The following MELK variants were observed in gnomAD, a reference collection of about 807,000 sequenced individuals.
MELK encodes maternal embryonic leucine zipper kinase.
MELK carries 81 observed loss-of-function variants against 85.0 expected under a neutral mutation model. That is an observed-to-expected ratio of 0.95 (90% CI 0.80 to 1.15). MELK has a LOEUF of 1.15. Among genes scored for constraint, MELK ranks in the 50% most tolerant of loss-of-function variants. MELK has a pLI of 0.00. For missense variants in MELK, 754 were observed against 777.5 expected (o/e 0.97, Z 0.36); for synonymous variants, 252 against 265.0 (o/e 0.95, Z 0.48).
At chr9:36,623,371 C>T (rs1028545187) in intron 8 of MELK, among the ~76,000 whole-genome samples, 2 of 152,174 alleles carry the variant, frequency 1.3e-5, no homozygotes, top group Admixed American at 6.5e-5. Context: ...TTTTAAAGCA[C>T]GGTGTACAAA....
Position 36,589,558 on chromosome 9 carries a change from C to T in MELK, c.167C>T (p.Thr56Met), listed in dbSNP as rs35233455. 7.6e-4 allele frequency: 1,230 copies of T among 1,613,796 alleles called. 8 individuals are homozygous for T. The African/African-American group carries it at 0.013, about 17-fold the overall frequency. The change falls in exon 4 of 18, where the codon ACG (threonine) becomes ATG (methionine). Residue 56 changes from threonine (T) to methionine (M), a missense_variant. By Grantham distance (81) the Thr-to-Met change is moderately conservative. Coordinates refer to ENST00000298048, the MANE Select transcript of MELK (RefSeq NM_014791.4). ...TLGSDLPRIK[T>M]EIEALKNLRH... The stretch of plus-strand genomic sequence containing the variant: ...CAGAGTGATTTGCCCCGGATCAAAA[C>T]GGAGATTGAGGCCTTGAAGAACCTG...
chr9:36,615,494 ACC>A (rs1267413665), intron 8 of MELK, among the ~76,000 whole-genome samples: 1 of 82,862 alleles, frequency 1.2e-5, no homozygotes, highest in Non-Finnish European at 2.4e-5. Flanking sequence ...GCGGGGGCTG[ACC>A]CCCCCCCACC....
intron 11 of MELK, among the ~76,000 whole-genome samples, chr9:36,651,026 G>A (rs1218550813): frequency 6.6e-6 from 1 of 152,200 alleles, no homozygotes; most frequent in East Asian, 1.9e-4. Context: ...TGGTTTAGCT[G>A]CAGAGCTGAT....
intron 10 of MELK, among the ~76,000 whole-genome samples, chr9:36,633,978 G>A (rs1564188103): frequency 6.6e-6 from 1 of 152,140 alleles, no homozygotes; most frequent in Non-Finnish European, 1.5e-5. Flanking sequence ...AATTGCATGT[G>A]GAATCTGAAG....
chr9:36,659,247 C>G (rs569569733), intron 13 of MELK, among the ~76,000 whole-genome samples: 2 of 151,800 alleles, frequency 1.3e-5, no homozygotes, highest in African/African-American at 4.8e-5. Flanking sequence ...AACTCCTGAC[C>G]TCAGGTGATC....
intron 10 of MELK, among the ~76,000 whole-genome samples, chr9:36,640,429 C>CTTTCT (rs1013128617): frequency 4.6e-5 from 7 of 151,912 alleles, no homozygotes; most frequent in African/African-American, 1.7e-4. Context: ...AGCCTCTTTT[C>CTTTCT]TTTCTTTTCT....
chr9:36,587,880 G>C (rs1285729760), intron 3 of MELK, among the ~76,000 whole-genome samples: 1 of 151,568 alleles, frequency 6.6e-6, no homozygotes, highest in Non-Finnish European at 1.5e-5. Context: ...CCTTGCTTCA[G>C]CCTTTCAAGT....
At chr9:36,580,086 T>G (rs1193940266) in intron 1 of MELK, among the ~76,000 whole-genome samples, 7 of 150,126 alleles carry the variant, frequency 4.7e-5, no homozygotes, top group Admixed American at 3.3e-4. Flanking sequence ...CTCGCTCCGT[T>G]GCCCAGGCTG....
intron 11 of MELK, among the ~76,000 whole-genome samples, chr9:36,645,298 A>G (rs185694819): frequency 1.8e-4 from 26 of 143,268 alleles, no homozygotes; most frequent in African/African-American, 7.2e-4. Context: ...GAGTTTCAAT[A>G]ATCATTGAAA....
Position 36,633,137 on chromosome 9 carries a change from A to G in MELK, c.771A>G (p.Leu257=). ...AGAAACGGATTTCTATGAAAAATCT[A>G]TTGAACCATCCCTGGATCATGCAAG... ...DPKKRISMKN[L]LNHPWIMQDY... Residue 257 remains leucine (L), a synonymous_variant, in exon 10 of 18, where the codon CTA becomes CTG. Transcript: ENST00000298048. 1.2e-6 allele frequency: 2 copies of G among 1,610,556 alleles called. No homozygotes were observed. The highest frequency in any genetic ancestry group is 1.7e-6 in the Non-Finnish European group (2 of 1,179,280).
intron 9 of MELK, 43 bp from the exon 10 acceptor site, chr9:36,633,059 T>C (rs1217857830): frequency 1.5e-6 from 2 of 1,360,194 alleles, no homozygotes; most frequent in African/African-American, 2.9e-5. Context: ...CTATGTTCTC[T>C]ATTTGAAATG....
chr9:36,636,810 T>TCTG (rs1564191244), intron 10 of MELK, among the ~76,000 whole-genome samples: 33 of 105,652 alleles, frequency 3.1e-4, no homozygotes, highest in African/African-American at 1.3e-3. Context: ...CTTTCTGTCT[T>TCTG]TCTTTCTTTC....
chr9:36,665,204 T>G (rs779974662), intron 13 of MELK, 146 bp from the exon 14 acceptor site: 125 of 607,904 alleles, frequency 2.1e-4, no homozygotes, highest in Middle Eastern at 8.9e-4. Flanking sequence ...CTATATATTT[T>G]CAAATTTCCT....
chr9:36,665,220 CAAT>C (rs1832221810), intron 13 of MELK, 127 bp from the exon 14 acceptor site: 2 of 621,810 alleles, frequency 3.2e-6, no homozygotes, highest in African/African-American at 1.9e-5. Flanking sequence ...TTCCTAATGT[CAAT>C]AATATCCTTT....
chr9:36,661,132 G>T (rs1231970567), intron 13 of MELK, among the ~76,000 whole-genome samples: 1 of 152,182 alleles, frequency 6.6e-6, no homozygotes, highest in Non-Finnish European at 1.5e-5. Flanking sequence ...CCCTCCAGCG[G>T]CTCCTAGGTT....
chr9:36,665,726 G>A, intron 14 of MELK, 145 bp downstream of exon 14: 3 of 582,350 alleles, frequency 5.2e-6, no homozygotes, highest in Non-Finnish European at 8.7e-6. Context: ...ATTTGCATTA[G>A]TTAAAATGAA....
chr9:36,605,534 A>G (rs139548733), intron 7 of MELK, among the ~76,000 whole-genome samples: 3 of 151,930 alleles, frequency 2.0e-5, no homozygotes, highest in Non-Finnish European at 4.4e-5. Flanking sequence ...AATACCATGA[A>G]TGAGTGTCAT....
At position 36,671,115 on chromosome 9, in the gene MELK, C is replaced by T. The variant is rs2138108455; in HGVS notation, c.1623C>T (p.Leu541=). ...GGTTGGATAAGGTTATCACTGTGCT[C>T]ACCAGGAGCAAAAGGAAGGGTTCTG... ...ERGLDKVITV[L]TRSKRKGSAR... is the part of the protein sequence containing the mutation. Residue 541 remains leucine, a synonymous_variant, in exon 16 of 18, where the codon CTC becomes CTT. Transcript: ENST00000298048. 1.9e-6 allele frequency: 3 copies of T among 1,611,028 alleles called. No homozygotes were observed. Among genetic ancestry groups the T allele is most frequent in the East Asian group, 2.2e-5 (1 of 44,744 alleles).
At chr9:36,603,967 T>G (rs544018808) in intron 7 of MELK, among the ~76,000 whole-genome samples, 1 of 152,238 alleles carries the variant, frequency 6.6e-6, no homozygotes, top group Admixed American at 6.5e-5. Context: ...TGTGTTTTTT[T>G]GTTTGTTTGT....
Sources: allele counts gnomAD v4.1 joint callset (sites outside exome capture counted in the v4.1 genomes callset), GRCh38; gene constraint gnomAD v4.1.1; transcripts MANE v1.5; gene names NCBI Gene and HGNC (gene_info 2026-07-23, HGNC 2026-07-21).